CHST8: variants seen among roughly 807,000 people sequenced by gnomAD.
The protein encoded by CHST8 is GALNAC-4-ST1.
A neutral mutation model predicts 15.0 loss-of-function variants in CHST8; 10 were observed. That is an observed-to-expected ratio of 0.67 (90% CI 0.41 to 1.13). CHST8 has a LOEUF of 1.13. Ranked by LOEUF, CHST8 falls within the 50% of genes most tolerant of loss-of-function variation. CHST8 has a pLI of 0.00. For synonymous variants in CHST8, 259 were observed against 256.6 expected, an observed-to-expected ratio of 1.01 and a Z score of -0.09; for missense variants, 634 against 608.2, an observed-to-expected ratio of 1.04 and a Z score of -0.45.
At chr19:33,713,202 G>A (rs535309910) in intron 3 of CHST8, among the ~76,000 whole-genome samples, 1 of 152,154 alleles carries the variant, frequency 6.6e-6, no homozygotes, top group East Asian at 1.9e-4. Context: ...TGATTCTGTG[G>A]GTGGGTGCAG....
At chr19:33,766,174 C>T (rs541743054) in intron 3 of CHST8, among the ~76,000 whole-genome samples, 2 of 152,100 alleles carry the variant, frequency 1.3e-5, no homozygotes, top group African/African-American at 4.8e-5. Flanking sequence ...CTTCTCTCCT[C>T]TCCCTGTCTC....
intron 2 of CHST8, among the ~76,000 whole-genome samples, chr19:33,682,927 T>C (rs1417700610): frequency 3.9e-5 from 6 of 152,202 alleles, no homozygotes; most frequent in South Asian, 2.1e-4. Context: ...AAGCATGGTG[T>C]TGGCATCTGC....
intron 4 of CHST8, 127 bp from the exon 5 acceptor site, chr19:33,771,830 C>A: frequency 8.6e-7 from 1 of 1,162,354 alleles, no homozygotes. Flanking sequence ...GTCTCACCTA[C>A]AGAGTCAGCC....
chr19:33,722,795 C>T (rs8110168), intron 3 of CHST8, among the ~76,000 whole-genome samples: 6,520 of 152,298 alleles, frequency 0.043, 443 homozygotes, highest in African/African-American at 0.15. Context: ...CCACATCTCT[C>T]TTTTCTCCCT....
At chr19:33,700,760 G>A (rs926248275) in intron 3 of CHST8, among the ~76,000 whole-genome samples, 2 of 152,178 alleles carry the variant, frequency 1.3e-5, no homozygotes, top group Non-Finnish European at 2.9e-5. Flanking sequence ...AGAGCCCAGG[G>A]GCACAGAAAG....
intron 3 of CHST8, among the ~76,000 whole-genome samples, chr19:33,742,937 G>A (rs920581793): frequency 6.6e-6 from 1 of 152,062 alleles, no homozygotes; most frequent in Non-Finnish European, 1.5e-5. Flanking sequence ...GGGTGTCCAG[G>A]TCTGTAGTGG....
intron 3 of CHST8, among the ~76,000 whole-genome samples, chr19:33,703,339 C>T (rs563665753): frequency 5.9e-4 from 90 of 152,306 alleles, no homozygotes; most frequent in African/African-American, 2.1e-3. Context: ...TCCTCGAGCC[C>T]CTGTTCCTAA....
At chr19:33,639,218 A>G (rs1972246320) in intron 1 of CHST8, among the ~76,000 whole-genome samples, 2 of 152,124 alleles carry the variant, frequency 1.3e-5, no homozygotes, top group South Asian at 2.1e-4. Flanking sequence ...TGGCATGTAG[A>G]AAAGATTAAT....
Position 33,772,153 on chromosome 19 carries a change from C to T in CHST8, c.365C>T (p.Ala122Val), listed in dbSNP as rs1380163088. The change falls in exon 5 of 5, where the codon GCG becomes GTG. Residue 122 changes from alanine to valine, a missense_variant. Coordinates refer to ENST00000650847, the MANE Select transcript of CHST8 (RefSeq NM_001127895.2). ...CTGCTCATCAAGAAAATGCCAGCTGCGGCGACCATCCCGGCCAACAGCTCG... is the reference window on the plus strand; with the variant it reads ...CTGCTCATCAAGAAAATGCCAGCTGTGGCGACCATCCCGGCCAACAGCTCG... ...RRLLIKKMPA[A>V]ATIPANSSDA... The T allele has an allele frequency of 1.2e-6, 2 of 1,603,684 alleles. No individual in the cohort carries two copies. Among genetic ancestry groups the T allele is most frequent in the Non-Finnish European group, 1.7e-6 (2 of 1,176,122 alleles).
intron 1 of CHST8, among the ~76,000 whole-genome samples, chr19:33,659,358 A>G (rs1043182440): frequency 1.3e-5 from 2 of 151,886 alleles, no homozygotes; most frequent in Non-Finnish European, 2.9e-5. Context: ...AGCCACCCCA[A>G]CCAGCCAGGT....
At chr19:33,642,546 G>A (rs1019004664) in intron 1 of CHST8, among the ~76,000 whole-genome samples, 18 of 151,970 alleles carry the variant, frequency 1.2e-4, no homozygotes, top group African/African-American at 3.9e-4. Context: ...TATTTTTAGT[G>A]GAGATGGGGT....
intron 3 of CHST8, among the ~76,000 whole-genome samples, chr19:33,694,831 TTGGCC>T (rs1973179416): frequency 6.6e-6 from 1 of 152,204 alleles, no homozygotes; most frequent in Non-Finnish European, 1.5e-5. Flanking sequence ...TCTACCTGCC[TTGGCC>T]TCCCAAAGTG....
chr19:33,753,583 TCCATCTCCCA>T (rs1166692218), intron 3 of CHST8, among the ~76,000 whole-genome samples: 1 of 13,454 alleles, frequency 7.4e-5, no homozygotes, highest in Non-Finnish European at 1.4e-4. Flanking sequence ...CCATCCCCCC[TCCATCTCCCA>T]CCATCCCCCA....
At chr19:33,692,334 T>C (rs954614354) in intron 3 of CHST8, among the ~76,000 whole-genome samples, 4 of 152,166 alleles carry the variant, frequency 2.6e-5, no homozygotes, top group Admixed American at 2.0e-4. Context: ...AATTCACTTT[T>C]TGACCCAGTA....
intron 1 of CHST8, among the ~76,000 whole-genome samples, chr19:33,655,966 G>A (rs560310421): frequency 6.6e-6 from 1 of 152,096 alleles, no homozygotes; most frequent in South Asian, 2.1e-4. Context: ...ATCTGTCCAG[G>A]TCATGTATTA....
chr19:33,765,523 G>A (rs866825992), intron 3 of CHST8, among the ~76,000 whole-genome samples: 15,346 of 127,400 alleles, frequency 0.12, 864 homozygotes, highest in Non-Finnish European at 0.15. Flanking sequence ...TTGTGTGTGT[G>A]TGTGTGTGTG....
chr19:33,650,335 ACTAT>A (rs1164192295), intron 1 of CHST8, among the ~76,000 whole-genome samples: 8 of 151,894 alleles, frequency 5.3e-5, no homozygotes, highest in African/African-American at 1.9e-4. Context: ...GTTCTCAGAG[ACTAT>A]CTATTCAGAT....
At chr19:33,681,159 G>A (rs561824459) in intron 2 of CHST8, among the ~76,000 whole-genome samples, 41 of 152,274 alleles carry the variant, frequency 2.7e-4, no homozygotes, top group Non-Finnish European at 8.8e-5. Context: ...GCCTTGAAAC[G>A]ATAGCTATCA....
intron 3 of CHST8, among the ~76,000 whole-genome samples, chr19:33,757,327 C>G (rs374623925): frequency 8.1e-5 from 12 of 148,888 alleles, no homozygotes; most frequent in African/African-American, 2.7e-4. Flanking sequence ...TTGCAGTGAG[C>G]CAAAACCATG....
Sources: gnomAD v4.1 joint callset for allele counts (sites outside exome capture counted in the v4.1 genomes callset) on GRCh38, gnomAD v4.1.1 for gene constraint, MANE v1.5 for transcripts, NCBI Gene and HGNC (gene_info 2026-07-23, HGNC 2026-07-21) for gene names.